Variants in TLR5 observed in about 807,000 individuals in gnomAD.
The protein encoded by TLR5 is toll-like receptor 5.
For missense variants in TLR5, 944 were observed against 999.8 expected (o/e 0.94, Z 0.75); for synonymous variants, 373 against 384.4 (o/e 0.97, Z 0.35).
chr1:223,126,605 T>C (rs927855726), intron 5 of TLR5, among the ~76,000 whole-genome samples: 2 of 152,206 alleles, frequency 1.3e-5, no homozygotes, highest in African/African-American at 4.8e-5. Context: ...CTCTGAGGCC[T>C]GGAAAGTGCA....
intron 5 of TLR5, among the ~76,000 whole-genome samples, chr1:223,119,623 A>C (rs1656838873): frequency 1.3e-5 from 2 of 152,070 alleles, no homozygotes; most frequent in African/African-American, 4.8e-5. Context: ...ATTAAAACAG[A>C]GATCTTCAGA....
In TLR5 at chr1:223,111,359, T is replaced by C; in HGVS notation, c.1673A>G (p.Asn558Ser). Residue 558 changes from asparagine to serine, a missense_variant, in exon 6 of 6, where the codon AAC (asparagine) becomes AGC (serine). By Grantham distance (46) the Asn-to-Ser change is conservative. Coordinates refer to ENST00000642603, the MANE Select transcript of TLR5 (RefSeq NM_003268.6). Reference protein sequence around the residue: ...ANLEILDISRNQLLAPNPDVF... With the variant: ...ANLEILDISRSQLLAPNPDVF... The stretch of plus-strand genomic sequence containing the variant: ...ATCAGGATTAGGAGCTAGGAGCTGG[T>C]TCCTGGATATGTCCAGGATCTCTAA... 1.2e-6 allele frequency: 2 copies of C among 1,614,182 alleles called. No homozygotes were observed. Among genetic ancestry groups the C allele is most frequent in the South Asian group, 1.1e-5 (1 of 91,084 alleles).
Position 223,110,463 on chromosome 1 carries a change from T to C in TLR5, c.2569A>G (p.Ile857Val). The C allele has an allele frequency of 2.5e-6, 4 of 1,614,150 alleles. No homozygotes were observed. The highest frequency in any genetic ancestry group is 1.1e-5 in the South Asian group (1 of 91,080). The change falls in exon 6 of 6, where the codon ATC becomes GTC. Residue 857 changes from isoleucine (I) to valine (V), a missense_variant. Transcript: ENST00000642603. ...GGAAATTGCTCCTTTGATTAGGAGA[T>C]GGTTGCTACAGTTTGCAACGGAATG... ...NNIPLQTVAT[I>V]S is the part of the protein sequence containing the mutation.
In TLR5 at chr1:223,110,759, A is replaced by T; in HGVS notation, c.2273T>A (p.Val758Glu). The T allele has an allele frequency of 6.2e-7, 1 of 1,614,218 alleles. No individual in the cohort carries two copies. Among genetic ancestry groups the T allele is most frequent in the Non-Finnish European group, 8.5e-7 (1 of 1,180,020 alleles). Residue 758 changes from valine (V) to glutamate (E), a missense_variant, in exon 6 of 6, where the codon GTG (valine) becomes GAG (glutamate). Transcript: ENST00000642603. The part of the protein sequence containing the change: ...IWNSRKIVCL[V>E]SRHFLRDGWC... ...GCCATCTCTAAGGAAGTGTCTGCTCACAAGACAAACGATCTTTCTACTGTT... is the reference window on the plus strand; with the variant it reads ...GCCATCTCTAAGGAAGTGTCTGCTCTCAAGACAAACGATCTTTCTACTGTT...
intron 5 of TLR5, among the ~76,000 whole-genome samples, chr1:223,117,003 T>G (rs922807313): frequency 7.2e-5 from 11 of 152,152 alleles, no homozygotes; most frequent in African/African-American, 2.4e-4. Flanking sequence ...CCGGGCGCCG[T>G]GGAGCAGGGG....
intron 5 of TLR5, among the ~76,000 whole-genome samples, chr1:223,116,285 T>G (rs945845274): frequency 6.6e-6 from 1 of 152,226 alleles, no homozygotes; most frequent in East Asian, 1.9e-4. Flanking sequence ...TTCTGATGTT[T>G]GGACGTGTTC....
chr1:223,113,215 GT>G (rs960329348), intron 5 of TLR5, among the ~76,000 whole-genome samples, 180 bp from the exon 6 acceptor site: 88 of 152,004 alleles, frequency 5.8e-4, no homozygotes, highest in African/African-American at 1.9e-3. Context: ...CTCTATTTCT[GT>G]TTTTTTTGAG....
At chr1:223,136,831 T>A (rs991508052) in intron 3 of TLR5, among the ~76,000 whole-genome samples, 13 of 152,102 alleles carry the variant, frequency 8.5e-5, no homozygotes, top group East Asian at 1.9e-4. Context: ...GACTGTTTTT[T>A]AAATTTTTTT....
At chr1:223,132,179 A>G (rs1657417918) in intron 5 of TLR5, among the ~76,000 whole-genome samples, 1 of 152,114 alleles carries the variant, frequency 6.6e-6, no homozygotes, top group Non-Finnish European at 1.5e-5. Context: ...CCTGGGCCAC[A>G]TAGTGAGACC....
chr1:223,139,679 T>G (rs1657757940), intron 2 of TLR5, among the ~76,000 whole-genome samples: 1 of 151,960 alleles, frequency 6.6e-6, no homozygotes, highest in African/African-American at 2.4e-5. Context: ...AAGATGAGGC[T>G]AAAGAGGATA....
At chr1:223,142,126 G>A (rs978196747) in intron 1 of TLR5, among the ~76,000 whole-genome samples, 1 of 152,092 alleles carries the variant, frequency 6.6e-6, no homozygotes, top group Non-Finnish European at 1.5e-5. Flanking sequence ...AGAATTCGGA[G>A]GGGCTGGGTA....
intron 5 of TLR5, among the ~76,000 whole-genome samples, chr1:223,122,872 A>G (rs774297828): frequency 2.0e-5 from 3 of 152,132 alleles, no homozygotes; most frequent in Non-Finnish European, 4.4e-5. Flanking sequence ...CACATTGAGG[A>G]CCCTTAGTTT....
At chr1:223,121,763 G>T (rs1054349451) in intron 5 of TLR5, among the ~76,000 whole-genome samples, 4 of 152,130 alleles carry the variant, frequency 2.6e-5, no homozygotes, top group Admixed American at 2.0e-4. Flanking sequence ...CAAGCAATCA[G>T]CCCACCTCGG....
At chr1:223,135,046 A>G (rs1657553473) in intron 3 of TLR5, among the ~76,000 whole-genome samples, 182 bp from the exon 4 acceptor site, 1 of 152,172 alleles carries the variant, frequency 6.6e-6, no homozygotes, top group African/African-American at 2.4e-5. Context: ...CTGTTCTGAG[A>G]GGGATGTGTA....
intron 3 of TLR5, among the ~76,000 whole-genome samples, chr1:223,136,905 C>A (rs1657636920): frequency 6.6e-6 from 1 of 152,074 alleles, no homozygotes; most frequent in African/African-American, 2.4e-5. Context: ...ATGGCACAAC[C>A]TTGAACTCCC....
rs1656271548 is a variant in TLR5, at chr1:223,110,671, G to A, written c.2361C>T (p.Leu787=). 1 of 1,614,172 alleles carries A rather than the reference G, an allele frequency of 6.2e-7. No individual in the cohort carries two copies. Among genetic ancestry groups the A allele is most frequent in the Non-Finnish European group, 8.5e-7 (1 of 1,180,024 alleles). The change falls in exon 6 of 6, where the codon CTC becomes CTT. Residue 787 remains leucine, a synonymous_variant. Coordinates refer to ENST00000642603, the MANE Select transcript of TLR5 (RefSeq NM_003268.6). ...GRCLSDLNSA[L]IMVVVGSLSQ... ...ACAAGGACCCAACCACCACCATGAT[G>A]AGAGCACTGTTAAGGTCAGATAAGC...
rs1656292083 is a variant in TLR5 at position 223,110,956 on chromosome 1, T to A, written c.2076A>T (p.Lys692Asn). 6.2e-7 allele frequency: 1 copy of A among 1,614,238 alleles called. No homozygotes were observed. The highest frequency in any genetic ancestry group is 2.2e-5 in the East Asian group (1 of 44,892). ...HPQGTEPDMY[K>N]YDAYLCFSSK... is the part of the protein sequence containing the mutation. ...TGCTGAAGCACAAATAGGCATCATATTTGTACATATCAGGTTCTGTGCCCT... is the reference window on the plus strand; with the variant it reads ...TGCTGAAGCACAAATAGGCATCATAATTGTACATATCAGGTTCTGTGCCCT... The change falls in exon 6 of 6, where the codon AAA becomes AAT. Residue 692 changes from lysine (K) to asparagine (N), a missense_variant. Lys to Asn is a moderately conservative substitution (Grantham distance 94, BLOSUM62 0). Coordinates refer to ENST00000642603, the MANE Select transcript of TLR5 (RefSeq NM_003268.6).
intron 5 of TLR5, among the ~76,000 whole-genome samples, chr1:223,129,733 A>G (rs1415493419): frequency 6.6e-6 from 1 of 152,194 alleles, no homozygotes; most frequent in Non-Finnish European, 1.5e-5. Context: ...ATGGAAAGCG[A>G]GCTCCTACCC....
rs540831452 is a variant in TLR5 at position 223,136,850 on chromosome 1, CAG to C, written c.-353+326_-353+327del. Among the ~76,000 whole-genome samples the C allele has an allele frequency of 3.7e-3, 554 of 151,678 alleles. 1 individual carries two copies. The highest frequency in any genetic ancestry group is 7.2e-3 in the Admixed American group (110 of 15,200). The stretch of plus-strand genomic sequence containing the variant: ...GTTTTTTAAATTTTTTTTTTTGAGA[CAG>C]AGTCTCACTCTGTCACCCAGGCTAG... On this transcript the variant is annotated intron_variant, in intron 3 of 5. Coordinates refer to ENST00000642603, the MANE Select transcript of TLR5 (RefSeq NM_003268.6).
Sources: allele counts gnomAD v4.1 joint callset (sites outside exome capture counted in the v4.1 genomes callset), GRCh38; gene constraint gnomAD v4.1.1; transcripts MANE v1.5; gene names NCBI Gene and HGNC (gene_info 2026-07-23, HGNC 2026-07-21).